Variants in TBC1D32 observed in about 807,000 individuals in gnomAD.
The protein encoded by TBC1D32 is protein broad-minded.
Under a neutral mutation model 170.3 loss-of-function variants are expected in TBC1D32, and 151 were observed. The observed-to-expected ratio is 0.89, with a 90% CI of 0.78 to 1.01. The LOEUF is 1.01. TBC1D32 is among the 50% of genes least tolerant of loss of function. The probability of loss-of-function intolerance (pLI) is 0.00; values close to 1 mark genes in which losing one functional copy is unlikely to be tolerated. For synonymous variants in TBC1D32, 498 were observed against 488.0 expected (o/e 1.02, Z -0.27); for missense variants, 1,464 against 1,457.1 (o/e 1.00, Z -0.08).
chr6:121,269,289 A>G (rs1801006668), intron 15 of TBC1D32, among the ~76,000 whole-genome samples: 1 of 152,190 alleles, frequency 6.6e-6, no homozygotes, highest in African/African-American at 2.4e-5. Context: ...AAATGGGCTA[A>G]ATGCTCCAAT....
intron 22 of TBC1D32, chr6:121,170,333 C>A: frequency 7.2e-7 from 1 of 1,383,678 alleles, no homozygotes; most frequent in Non-Finnish European, 9.5e-7. Context: ...CAAGCTATAT[C>A]AAAAATTACT....
At chr6:121,227,609 G>A (rs970635556) in intron 20 of TBC1D32, among the ~76,000 whole-genome samples, 8 of 151,582 alleles carry the variant, frequency 5.3e-5, no homozygotes, top group Admixed American at 5.3e-4. Context: ...TGGTTAAGTC[G>A]TATTTTCATA....
intron 30 of TBC1D32, among the ~76,000 whole-genome samples, chr6:121,097,588 T>G (rs1160234513): frequency 6.6e-5 from 10 of 151,934 alleles, no homozygotes; most frequent in African/African-American, 2.2e-4. Context: ...CTTTTACACT[T>G]TTGGTGGGAG....
At chr6:121,114,033 G>A (rs920692563) in intron 27 of TBC1D32, among the ~76,000 whole-genome samples, 3 of 152,070 alleles carry the variant, frequency 2.0e-5, no homozygotes, top group Non-Finnish European at 4.4e-5. Flanking sequence ...AATTAGCTGG[G>A]CATGGTGGCA....
intron 12 of TBC1D32, among the ~76,000 whole-genome samples, chr6:121,290,047 T>C (rs1448144871): frequency 6.6e-6 from 1 of 152,130 alleles, no homozygotes; most frequent in Non-Finnish European, 1.5e-5. Context: ...ATAAAAACCC[T>C]AGAAGAAAAC....
In TBC1D32 at chr6:121,209,023, G is replaced by A. The variant is rs186909007; in HGVS notation, c.2482-3860C>T. Among the ~76,000 whole-genome samples, 580 of 152,038 alleles carry A rather than the reference G, an allele frequency of 3.8e-3. 7 individuals carry two copies. Among genetic ancestry groups the A allele is most frequent in the Middle Eastern group, 0.01 (3 of 292 alleles). Reference sequence around the variant, plus strand: ...CCTCTCCTATGGAGAATACCATCTAGAGAAGAAGAGAATAATTATAGCAAA... The same window carrying A: ...CCTCTCCTATGGAGAATACCATCTAAAGAAGAAGAGAATAATTATAGCAAA... On this transcript the variant is annotated intron_variant, in intron 21 of 31. Transcript: ENST00000398212.
intron 31 of TBC1D32, among the ~76,000 whole-genome samples, chr6:121,081,200 T>C (rs1390262383): frequency 1.3e-5 from 2 of 152,180 alleles, no homozygotes; most frequent in African/African-American, 4.8e-5. Flanking sequence ...TATACAATGA[T>C]TGTTCAAATT....
rs1237070563 is a variant in TBC1D32, at chr6:121,079,935, A to C, written c.*836T>G. The C allele has an allele frequency of 6.6e-6, 1 of 152,208 alleles. No individual in the cohort carries two copies. Among genetic ancestry groups the C allele is most frequent in the Non-Finnish European group, 1.5e-5 (1 of 68,036 alleles). 9.4% of individuals were successfully genotyped at this position (152,208 alleles called of 1,614,324 possible). ...ATTATAAATTGATATGGGTATCAAA[A>C]GCAACTCCTAAAAAACAATTATGTC... On this transcript the variant is annotated 3_prime_UTR_variant, in exon 32 of 32. Transcript: ENST00000398212.
intron 1 of TBC1D32, among the ~76,000 whole-genome samples, chr6:121,322,859 T>C (rs191810071): frequency 2.0e-5 from 3 of 152,330 alleles, no homozygotes; most frequent in Admixed American, 6.5e-5. Context: ...TTTCTAAATG[T>C]TTGTTTTAGT....
chr6:121,301,910 G>A (rs937462408), intron 9 of TBC1D32, among the ~76,000 whole-genome samples: 9 of 151,982 alleles, frequency 5.9e-5, no homozygotes, highest in Non-Finnish European at 4.4e-5. Flanking sequence ...GATTACAGGC[G>A]TGACCCACCG....
intron 20 of TBC1D32, among the ~76,000 whole-genome samples, chr6:121,224,634 T>C (rs187868857): frequency 3.6e-4 from 55 of 152,248 alleles, no homozygotes; most frequent in African/African-American, 1.3e-3. Context: ...TTAGAAATTA[T>C]AATATAATCT....
rs1283444226 is a variant in TBC1D32 at position 121,247,235 on chromosome 6, T to C, written c.2019-4896A>G. On this transcript the variant is annotated intron_variant, in intron 17 of 31. Coordinates refer to ENST00000398212, the MANE Select transcript of TBC1D32 (RefSeq NM_152730.6). The stretch of plus-strand genomic sequence containing the variant: ...ATCCAGCAAAACTAAGCTTCATAAA[T>C]GAAAAACAGATAAAATCTTTTTCAG... Among the ~76,000 whole-genome samples, 3 of 152,064 alleles carry C rather than the reference T, an allele frequency of 2.0e-5. No homozygotes were observed. The East Asian group carries it at 5.8e-4, about 29-fold the overall frequency.
At chr6:121,110,199 C>T (rs888552079) in intron 29 of TBC1D32, among the ~76,000 whole-genome samples, 1 of 149,552 alleles carries the variant, frequency 6.7e-6, no homozygotes, top group African/African-American at 2.5e-5. Context: ...TGCAGTGTGC[C>T]GAGATCATGC....
chr6:121,269,447 G>A (rs1300202764), intron 15 of TBC1D32, among the ~76,000 whole-genome samples: 345 of 74,046 alleles, frequency 4.7e-3, no homozygotes, highest in Non-Finnish European at 0.013. Context: ...ACAAAAAAAA[G>A]CAGGGGTTGC....
chr6:121,142,085 A>C (rs988832821), intron 24 of TBC1D32, among the ~76,000 whole-genome samples: 1 of 152,242 alleles, frequency 6.6e-6, no homozygotes, highest in Middle Eastern at 3.2e-3. Flanking sequence ...TTTGTCATTA[A>C]ATCTGTACTA....
In TBC1D32 at chr6:121,334,279, T is replaced by A; in HGVS notation, c.152A>T (p.His51Leu). ...AAAACATCAAAAGCAATTTTACTTGTGAAAATTTTCATCAGTTTCCTCCAG... is the reference window on the plus strand; with the variant it reads ...AAAACATCAAAAGCAATTTTACTTGAGAAAATTTTCATCAGTTTCCTCCAG... ...LHLEETDENF[H>L]NYEFVKYLRQ... is the part of the protein sequence containing the mutation. Residue 51 changes from histidine to leucine, a missense_variant, in exon 1 of 32, where the codon CAC becomes CTC. His to Leu is a moderately conservative substitution (Grantham distance 99). Around this residue, in one of 3 missense-constraint regions of TBC1D32, gnomAD observed 1,363 missense variants for 1,338.1 expected, o/e 1.02. Transcript: ENST00000398212. 1 of 1,613,918 alleles carries A rather than the reference T, an allele frequency of 6.2e-7. No homozygotes were observed. Among genetic ancestry groups the A allele is most frequent in the Non-Finnish European group, 8.5e-7 (1 of 1,179,860 alleles).
At chr6:121,217,666 G>C (rs1195766253) in intron 21 of TBC1D32, among the ~76,000 whole-genome samples, 3 of 152,130 alleles carry the variant, frequency 2.0e-5, no homozygotes, top group African/African-American at 7.2e-5. Context: ...GGAGAAGGGA[G>C]AGGAACAGAA....
chr6:121,121,139 C>CA (rs1780220167), intron 26 of TBC1D32, among the ~76,000 whole-genome samples: 1 of 151,992 alleles, frequency 6.6e-6, no homozygotes, highest in African/African-American at 2.4e-5. Flanking sequence ...ATAAAACTAT[C>CA]AAAATGGTAG....
At chr6:121,124,400 A>G (rs1267298115) in intron 26 of TBC1D32, among the ~76,000 whole-genome samples, 4 of 152,160 alleles carry the variant, frequency 2.6e-5, no homozygotes, top group Admixed American at 6.5e-5. Flanking sequence ...GTTGTCAGGC[A>G]TATTGGAGCT....
Sources: allele counts gnomAD v4.1 joint callset (sites outside exome capture counted in the v4.1 genomes callset), GRCh38; gene constraint gnomAD v4.1.1; regional missense constraint gnomAD v4.1.1; transcripts MANE v1.5; gene names NCBI Gene and HGNC (gene_info 2026-07-23, HGNC 2026-07-21).